Variants in BRD8 observed in about 807,000 individuals in gnomAD.
The protein encoded by BRD8 is bromodomain-containing protein 8.
BRD8 carries 67 observed loss-of-function variants against 143.1 expected under a neutral mutation model. The observed-to-expected ratio is 0.47, with a 90% CI of 0.38 to 0.57. The LOEUF is 0.57. BRD8 is among the 20% of genes least tolerant of loss of function. The pLI, the probability that BRD8 is intolerant of heterozygous loss-of-function variation, is 0.00. For synonymous variants in BRD8, 505 were observed against 517.1 expected (o/e 0.98, Z 0.32); for missense variants, 1,103 against 1,503.0 (o/e 0.73, Z 4.40).
At chr5:138,175,522 A>T (rs778665260) in intron 2 of BRD8, among the ~76,000 whole-genome samples, 2 of 149,946 alleles carry the variant, frequency 1.3e-5, no homozygotes, top group Non-Finnish European at 3.0e-5. Context: ...GTTCAAGACC[A>T]GCCTGGGCAA....
chr5:138,173,940 G>C (rs1180761560), intron 2 of BRD8, among the ~76,000 whole-genome samples: 1 of 152,108 alleles, frequency 6.6e-6, no homozygotes, highest in Non-Finnish European at 1.5e-5. Flanking sequence ...GCCTCCCAAA[G>C]TTCTGGGATT....
At position 138,172,715 on chromosome 5, in the gene BRD8, C is replaced by T. The variant is rs1252759493; in HGVS notation, c.117-581G>A. ...AAAAAATCGACAAGGTATGGTGGTG[C>T]GTACCTGCGGCCTGTGGTCCCAGCT... On this transcript the variant is annotated intron_variant, in intron 2 of 26. Coordinates refer to ENST00000254900, the MANE Select transcript of BRD8 (RefSeq NM_139199.2). 7 of 391,320 alleles carry T rather than the reference C, an allele frequency of 1.8e-5. No homozygotes were observed. The East Asian group carries it at 3.0e-4, about 17-fold the overall frequency. 24.2% of individuals were successfully genotyped at this position (391,320 alleles called of 1,614,324 possible).
chr5:138,143,721 T>C (rs868302558), intron 25 of BRD8, among the ~76,000 whole-genome samples: 6 of 151,990 alleles, frequency 3.9e-5, no homozygotes, highest in African/African-American at 1.4e-4. Flanking sequence ...CAGCGCTCTG[T>C]GTCTAGCTAA....
At position 138,163,158 on chromosome 5, in the gene BRD8, T is replaced by C; in HGVS notation, c.2059A>G (p.Ile687Val). 5 of 1,614,118 alleles carry C rather than the reference T, an allele frequency of 3.1e-6. No individual in the cohort carries two copies. The highest frequency in any genetic ancestry group is 3.4e-6 in the Non-Finnish European group (4 of 1,180,010). The change falls in exon 15 of 27, where the codon ATC becomes GTC. Residue 687 changes from isoleucine (I) to valine (V), a missense_variant. Physicochemically the swap from Ile to Val is conservative, Grantham distance 29 (BLOSUM62 3). Around this residue, in one of 7 missense-constraint regions of BRD8, gnomAD observed 75 missense variants for 111.7 expected, o/e 0.67. Coordinates refer to ENST00000254900, the MANE Select transcript of BRD8 (RefSeq NM_139199.2). ...TGTGAAGAAGCAGGGCTGCTGGGGATGGAGTCTGCCAGTGTGTGTGACTGC... is the reference window on the plus strand; with the variant it reads ...TGTGAAGAAGCAGGGCTGCTGGGGACGGAGTCTGCCAGTGTGTGTGACTGC... ...TLQSHTLADS[I>V]PSSPASSQFS... is the part of the protein sequence containing the mutation.
chr5:138,171,105 G>A lies in BRD8; in HGVS notation c.292C>T (p.Arg98Trp), dbSNP rs1200902725. The change falls in exon 5 of 27, where the codon CGG (arginine) becomes TGG (tryptophan). Residue 98 changes from arginine (R) to tryptophan (W), a missense_variant. Physicochemically the swap from Arg to Trp is moderately radical, Grantham distance 101. Around this residue, in one of 7 missense-constraint regions of BRD8, gnomAD observed 69 missense variants for 121.6 expected, o/e 0.57. Transcript: ENST00000254900. ...VVETVEDVIV[R>W]KLTAERVEEL... ...TCAACTCGCTCAGCAGTCAATTTCC[G>A]AACAATAACATCTTCAACAGTTTCC... The A allele has an allele frequency of 3.1e-6, 5 of 1,612,670 alleles. No homozygotes were observed. Among genetic ancestry groups the A allele is most frequent in the Non-Finnish European group, 4.2e-6 (5 of 1,179,646 alleles).
At chr5:138,156,763 T>C (rs1369602874) in intron 20 of BRD8, 22 of 896,176 alleles carry the variant, frequency 2.5e-5, no homozygotes, top group Non-Finnish European at 2.8e-5. Flanking sequence ...CATAAGACTT[T>C]TCCCCTGTAA....
rs773926575 is a variant in BRD8, at chr5:138,145,819, A to C, written c.3338T>G (p.Leu1113Arg). 5.0e-6 allele frequency: 8 copies of C among 1,614,052 alleles called. No individual in the cohort carries two copies. Among genetic ancestry groups the C allele is most frequent in the Non-Finnish European group, 5.9e-6 (7 of 1,179,948 alleles). Residue 1113 changes from leucine to arginine, a missense_variant, in exon 24 of 27, where the codon CTG (leucine) becomes CGG (arginine). Leu to Arg is a moderately radical substitution (Grantham distance 102). Transcript: ENST00000254900. Reference protein sequence around the residue: ...QDHLLFKKTLLPVWKMIASHR... With the variant: ...QDHLLFKKTLRPVWKMIASHR... ...ACTGGCAATCATCTTCCAGACTGGCAGGAGAGTCTTCTTAAATAGCAAATG... is the reference window on the plus strand; with the variant it reads ...ACTGGCAATCATCTTCCAGACTGGCCGGAGAGTCTTCTTAAATAGCAAATG...
At chr5:138,160,770 T>C in intron 18 of BRD8, 121 bp downstream of exon 18, 3 of 809,296 alleles carry the variant, frequency 3.7e-6, no homozygotes, top group South Asian at 3.2e-5. Flanking sequence ...ATGTTTTCAA[T>C]TGTGTCCCTG....
At chr5:138,177,520 G>A (rs769451992) in intron 2 of BRD8, 51 bp downstream of exon 2, 2 of 1,037,696 alleles carry the variant, frequency 1.9e-6, no homozygotes, top group Non-Finnish European at 1.5e-6. Context: ...ATGTGAAAGA[G>A]TATCTAACAA....
chr5:138,174,609 G>A (rs1202153714), intron 2 of BRD8, among the ~76,000 whole-genome samples: 4 of 151,214 alleles, frequency 2.6e-5, no homozygotes, highest in African/African-American at 7.3e-5. Flanking sequence ...AAAAAAAGGT[G>A]CAGTTTACTG....
At chr5:138,140,190 C>T in intron 26 of BRD8, 24 bp from the exon 27 acceptor site, 1 of 1,537,048 alleles carries the variant, frequency 6.5e-7, no homozygotes, top group Non-Finnish European at 9.0e-7. Context: ...GAACACATAG[C>T]AAGCTATTAT....
At chr5:138,163,424 G>T in intron 14 of BRD8, 80 bp from the exon 15 acceptor site, 2 of 1,530,326 alleles carry the variant, frequency 1.3e-6, no homozygotes, top group Non-Finnish European at 8.9e-7. Flanking sequence ...CTGTCTTTTG[G>T]GTTAGAATTA....
At chr5:138,160,299 T>C (rs1752904780) in intron 18 of BRD8, 126 bp from the exon 19 acceptor site, 5 of 673,780 alleles carry the variant, frequency 7.4e-6, no homozygotes, top group Non-Finnish European at 1.3e-5. Flanking sequence ...TTTTGACTGA[T>C]TGGAAGTTTA....
chr5:138,155,739 C>T (rs1752563230), intron 20 of BRD8, among the ~76,000 whole-genome samples: 1 of 151,978 alleles, frequency 6.6e-6, no homozygotes, highest in Admixed American at 6.6e-5. Flanking sequence ...GTTGCCTAGA[C>T]TGGTCTTGAT....
Position 138,170,352 on chromosome 5 carries a change from T to G in BRD8, c.498A>C (p.Ala166=). ...AEVKRKATDA[A]YQARQAVKTP... is the part of the protein sequence containing the mutation. ...ATACTAGGTTCAGCTTACCCTGGTA[T>G]GCAGCATCTGTAGCCTTCCTCTTTA... Residue 166 remains alanine (A), a synonymous_variant, in exon 7 of 27, where the codon GCA becomes GCC. Coordinates refer to ENST00000254900, the MANE Select transcript of BRD8 (RefSeq NM_139199.2). 1 of 1,611,006 alleles carries G rather than the reference T, an allele frequency of 6.2e-7. No homozygotes were observed. The highest frequency in any genetic ancestry group is 8.5e-7 in the Non-Finnish European group (1 of 1,177,110).
chr5:138,173,550 C>G (rs750412827), intron 2 of BRD8, among the ~76,000 whole-genome samples: 1 of 152,124 alleles, frequency 6.6e-6, no homozygotes, highest in Non-Finnish European at 1.5e-5. Context: ...TATACACACA[C>G]ACACACACAC....
intron 6 of BRD8, 180 bp from the exon 7 acceptor site, chr5:138,170,589 C>A (rs1753785278): frequency 2.5e-6 from 2 of 809,216 alleles, no homozygotes; most frequent in Non-Finnish European, 4.4e-6. Flanking sequence ...AGTTCTTCAC[C>A]CAGGCAAACT....
At position 138,149,648 on chromosome 5, in the gene BRD8, G is replaced by A. The variant is rs1752303129; in HGVS notation, c.3270C>T (p.Ser1090=). 1 of 1,604,970 alleles carries A rather than the reference G, an allele frequency of 6.2e-7. No individual in the cohort carries two copies. Among genetic ancestry groups the A allele is most frequent in the Non-Finnish European group, 8.5e-7 (1 of 1,176,740 alleles). Residue 1090 remains serine (S), a synonymous_variant, in exon 23 of 27, where the codon TCC becomes TCT. Coordinates refer to ENST00000254900, the MANE Select transcript of BRD8 (RefSeq NM_139199.2). ...LVDTLFSHAT[S]SKLTDLSQDD... ...TGAAAGTCTACGCTTACAGCTTTGA[G>A]GAGGTAGCATGGCTGAAAAGTGTAT...
At chr5:138,145,365 G>GA (rs1187150316) in intron 24 of BRD8, 120 bp from the exon 25 acceptor site, 21 of 769,338 alleles carry the variant, frequency 2.7e-5, no homozygotes, top group South Asian at 1.0e-4. Context: ...GCACCATTAG[G>GA]AAAAAATCTA....
Sources: gnomAD v4.1 joint callset for allele counts (sites outside exome capture counted in the v4.1 genomes callset) on GRCh38, gnomAD v4.1.1 for gene constraint, gnomAD v4.1.1 regional missense constraint, MANE v1.5 for transcripts, NCBI Gene and HGNC (gene_info 2026-07-23, HGNC 2026-07-21) for gene names.